CUBN: variants seen among roughly 807,000 people sequenced by gnomAD.
CUBN encodes cubilin, also known as 460 kDa receptor.
In CUBN, 282 loss-of-function variants were observed where a neutral mutation model predicts 405.3. The observed-to-expected ratio is 0.70, with a 90% CI of 0.63 to 0.77. The LOEUF (loss-of-function observed/expected upper bound fraction) is 0.77. CUBN is among the 30% of genes least tolerant of loss of function. The pLI, the probability that CUBN is intolerant of heterozygous loss-of-function variation, is 0.00. For synonymous variants in CUBN, 1,684 were observed against 1,617.0 expected (o/e 1.04, Z -0.99); for missense variants, 4,514 against 4,475.2 (o/e 1.01, Z -0.25).
intron 59 of CUBN, among the ~76,000 whole-genome samples, chr10:16,863,630 A>G (rs924299494): frequency 3.9e-5 from 6 of 152,226 alleles, no homozygotes; most frequent in African/African-American, 1.4e-4. Context: ...AGAATGCCTC[A>G]CAAAGTTTAA....
intron 22 of CUBN, among the ~76,000 whole-genome samples, chr10:17,050,688 G>A (rs898270199): frequency 1.3e-5 from 2 of 151,956 alleles, no homozygotes; most frequent in African/African-American, 4.8e-5. Flanking sequence ...AACACCTCAG[G>A]CATTCAAATG....
intron 59 of CUBN, among the ~76,000 whole-genome samples, chr10:16,865,616 TTGTAAAATGCACCAATCAACGCTC>T (rs1326567348): frequency 6.6e-6 from 1 of 151,892 alleles, no homozygotes; most frequent in African/African-American, 2.4e-5. Context: ...AGCAAGAGGA[TTGTAAAATGCACCAATCAACGCTC>T]TGTAAAATGC....
intron 22 of CUBN, among the ~76,000 whole-genome samples, chr10:17,050,996 AC>A (rs1206484925): frequency 1.3e-5 from 2 of 151,940 alleles, no homozygotes; most frequent in African/African-American, 4.8e-5. Context: ...ATGATATGGG[AC>A]CCCCATATCA....
chr10:16,900,832 C>A lies in CUBN; in HGVS notation c.8203G>T (p.Asp2735Tyr), dbSNP rs149802222. 367 of 1,613,244 alleles carry A rather than the reference C, an allele frequency of 2.3e-4. 1 individual carries two copies. Among genetic ancestry groups the A allele is most frequent in the Non-Finnish European group, 1.9e-4 (228 of 1,179,558 alleles). ...GCACAAGTTGTATGGGGTTCAATAT[C>A]AAAGTCACTAAATGTGAGCTGCAGG... ...HTITLTFSDF[D>Y]IEPHTTCAWD... Residue 2735 changes from aspartate (D) to tyrosine (Y), a missense_variant, in exon 53 of 67, where the codon GAT becomes TAT. Physicochemically the swap from Asp to Tyr is radical, Grantham distance 160 (BLOSUM62 -3). Around this residue, in one of 5 missense-constraint regions of CUBN, gnomAD observed 1,186 missense variants for 1,186.9 expected, o/e 1.00. Transcript: ENST00000377833.
At chr10:16,940,266 GA>G (rs1564436307) in intron 36 of CUBN, 29 bp from the exon 37 acceptor site, 1 of 1,579,090 alleles carries the variant, frequency 6.3e-7, no homozygotes, top group Non-Finnish European at 8.7e-7. Flanking sequence ...TATTTAAAGG[GA>G]TTAAATTGAG....
chr10:16,997,371 G>A (rs1341112424), intron 28 of CUBN, among the ~76,000 whole-genome samples: 1 of 150,562 alleles, frequency 6.6e-6, no homozygotes, highest in South Asian at 2.2e-4. Flanking sequence ...AGAAGTGGAG[G>A]TTGCAGTGAG....
chr10:17,078,247 T>G (rs1588628052), intron 17 of CUBN, among the ~76,000 whole-genome samples: 1 of 146,522 alleles, frequency 6.8e-6, no homozygotes. Flanking sequence ...CCTGCCTAAC[T>G]CATATTTCTC....
intron 41 of CUBN, among the ~76,000 whole-genome samples, chr10:16,927,907 T>C (rs1842237985): frequency 6.6e-6 from 1 of 152,154 alleles, no homozygotes; most frequent in Admixed American, 6.5e-5. Flanking sequence ...ACACACCTCC[T>C]TTGGAGCGAA....
intron 14 of CUBN, among the ~76,000 whole-genome samples, chr10:17,096,812 T>C (rs1836384158): frequency 6.6e-6 from 1 of 152,076 alleles, no homozygotes. Context: ...AGTGATCACA[T>C]TGGTAAATAA....
chr10:16,833,051 T>C (rs1407355630), intron 64 of CUBN, among the ~76,000 whole-genome samples: 3 of 152,128 alleles, frequency 2.0e-5, no homozygotes, highest in Non-Finnish European at 4.4e-5. Flanking sequence ...ATTCTCACTC[T>C]CCACGGCTGG....
chr10:17,012,607 G>C (rs750275736), intron 28 of CUBN, among the ~76,000 whole-genome samples: 2 of 152,184 alleles, frequency 1.3e-5, no homozygotes, highest in Non-Finnish European at 2.9e-5. Context: ...TTAACTTTTA[G>C]CAAACTCTAC....
At chr10:16,952,888 G>A (rs1230772775) in intron 32 of CUBN, among the ~76,000 whole-genome samples, 3 of 152,176 alleles carry the variant, frequency 2.0e-5, no homozygotes, top group African/African-American at 7.2e-5. Flanking sequence ...TGAGGAGGAG[G>A]CCGAGGCTAA....
intron 48 of CUBN, among the ~76,000 whole-genome samples, chr10:16,908,331 G>T (rs371668810): frequency 1.1e-4 from 17 of 152,120 alleles, no homozygotes; most frequent in African/African-American, 3.4e-4. Flanking sequence ...TTTTAGTAGA[G>T]ATGGGGTTTC....
At chr10:16,932,030 C>T (rs540851786) in intron 40 of CUBN, among the ~76,000 whole-genome samples, 5 of 152,122 alleles carry the variant, frequency 3.3e-5, no homozygotes, top group Non-Finnish European at 7.3e-5. Flanking sequence ...GTGAAGAGGG[C>T]ATTCTGGTGC....
intron 60 of CUBN, among the ~76,000 whole-genome samples, chr10:16,846,949 C>T (rs1839532532): frequency 6.6e-6 from 1 of 152,066 alleles, no homozygotes; most frequent in Non-Finnish European, 1.5e-5. Context: ...TAGGTTCATG[C>T]TCCTCTCAGT....
chr10:16,965,763 A>T, intron 31 of CUBN: 1 of 235,676 alleles, frequency 4.2e-6, no homozygotes. Flanking sequence ...GAGTCATTGT[A>T]ATAGAAAAAT....
At position 17,114,965 on chromosome 10, in the gene CUBN, C is replaced by T. The variant is rs532556223; in HGVS notation, c.720+506G>A. Among the ~76,000 whole-genome samples, 10 of 152,288 alleles carry T rather than the reference C, an allele frequency of 6.6e-5. No individual in the cohort carries two copies. The East Asian group carries it at 1.7e-3, about 26-fold the overall frequency. On this transcript the variant is annotated intron_variant, in intron 7 of 66. Transcript: ENST00000377833. ...ATAATAAAAATGGTCCCATTTCGGC[C>T]GGGCACGGTGGCTCATGCCTGTAAT...
chr10:17,038,683 G>A (rs1010988904), intron 27 of CUBN, among the ~76,000 whole-genome samples: 8 of 152,214 alleles, frequency 5.3e-5, no homozygotes, highest in Non-Finnish European at 1.2e-4. Context: ...ATTTCTGTGT[G>A]TGTGAGTTTT....
intron 28 of CUBN, among the ~76,000 whole-genome samples, chr10:17,010,726 A>G (rs1834157729): frequency 6.6e-6 from 1 of 152,164 alleles, no homozygotes; most frequent in African/African-American, 2.4e-5. Context: ...ATCACAACTC[A>G]TTTACTTTGG....
Sources: allele counts gnomAD v4.1 joint callset (sites outside exome capture counted in the v4.1 genomes callset), GRCh38; gene constraint gnomAD v4.1.1; regional missense constraint gnomAD v4.1.1; transcripts MANE v1.5; gene names NCBI Gene and HGNC (gene_info 2026-07-23, HGNC 2026-07-21).